EML6: variants seen among roughly 807,000 people sequenced by gnomAD.
EML6 encodes EMAP like 6, also known as echinoderm microtubule-associated protein-like 6.
In EML6, 154 loss-of-function variants were observed where a neutral mutation model predicts 240.1. The observed-to-expected ratio is 0.64, with a 90% CI of 0.56 to 0.73. EML6 has a LOEUF of 0.73. Among genes scored for constraint, EML6 ranks in the 30% least tolerant of loss-of-function variants. The pLI is 0.00. For synonymous variants in EML6, 1,148 were observed against 899.0 expected, an observed-to-expected ratio of 1.28 and a Z score of -4.95; for missense variants, 2,964 against 2,474.6, an observed-to-expected ratio of 1.20 and a Z score of -4.20.
At chr2:54,968,883 GC>G in intron 41 of EML6, 115 bp downstream of exon 41, 2 of 609,938 alleles carry the variant, frequency 3.3e-6, no homozygotes, top group East Asian at 2.8e-5. Context: ...CTGATGTGGG[GC>G]TAATAAACAG....
At chr2:54,969,893 T>G (rs1676915616) in intron 41 of EML6, among the ~76,000 whole-genome samples, 178 bp from the exon 42 acceptor site, 1 of 152,204 alleles carries the variant, frequency 6.6e-6, no homozygotes, top group South Asian at 2.1e-4. Context: ...AACAGACCTT[T>G]TAAGAAAAGC....
intron 2 of EML6, among the ~76,000 whole-genome samples, chr2:54,777,654 T>C (rs1668660895): frequency 6.6e-6 from 1 of 152,156 alleles, no homozygotes; most frequent in South Asian, 2.1e-4. Context: ...ATGAGTTCTG[T>C]TGGGCACTGG....
intron 2 of EML6, among the ~76,000 whole-genome samples, chr2:54,789,088 T>G (rs1669252202): frequency 6.6e-6 from 1 of 152,242 alleles, no homozygotes; most frequent in Non-Finnish European, 1.5e-5. Flanking sequence ...GTTCTGTCTC[T>G]GCTTAATTCC....
intron 2 of EML6, among the ~76,000 whole-genome samples, chr2:54,807,146 G>C (rs1352894907): frequency 6.6e-6 from 1 of 151,460 alleles, no homozygotes; most frequent in East Asian, 1.9e-4. Flanking sequence ...TATATCTGTG[G>C]TCAGTCTATG....
rs2104556337 is a variant in EML6, at chr2:54,967,085, C to T, written c.5579C>T (p.Thr1860Ile). 6.4e-7 allele frequency: 1 copy of T among 1,551,036 alleles called. No homozygotes were observed. The highest frequency in any genetic ancestry group is 1.2e-5 in the South Asian group (1 of 84,040). ...VTEAVVIEKI[T>I]WASWTSVLGD... ...GAAGCCGTGGTCATTGAGAAGATCA[C>T]CTGGGCCTCCTGGACAAGGTGACTG... is the stretch of plus-strand genomic sequence containing the variant. The change falls in exon 39 of 42, where the codon ACC becomes ATC. Residue 1860 changes from threonine to isoleucine, a missense_variant. Transcript: ENST00000356458.
chr2:54,827,987 T>C (rs1043034215), intron 6 of EML6, among the ~76,000 whole-genome samples: 2 of 152,220 alleles, frequency 1.3e-5, no homozygotes, highest in Non-Finnish European at 2.9e-5. Context: ...TCATCCACAG[T>C]AGTTTGACAG....
chr2:54,889,571 T>G (rs1672348851), intron 17 of EML6, among the ~76,000 whole-genome samples: 1 of 151,882 alleles, frequency 6.6e-6, no homozygotes, highest in Admixed American at 6.6e-5. Flanking sequence ...AGTCCTCTCC[T>G]CCATTATATT....
intron 21 of EML6, among the ~76,000 whole-genome samples, chr2:54,899,001 C>T (rs1467839467): frequency 1.3e-5 from 2 of 152,146 alleles, no homozygotes; most frequent in Admixed American, 1.3e-4. Flanking sequence ...TTATTAAGCA[C>T]CTTTCAGTTT....
intron 2 of EML6, among the ~76,000 whole-genome samples, chr2:54,810,692 A>G (rs893974752): frequency 2.0e-5 from 3 of 152,158 alleles, no homozygotes; most frequent in Non-Finnish European, 2.9e-5. Flanking sequence ...GGCAGCCAAG[A>G]TGGTTGGCAG....
At chr2:54,957,697 C>G (rs901861395) in intron 32 of EML6, 93 bp from the exon 33 acceptor site, 1 of 1,103,108 alleles carries the variant, frequency 9.1e-7, no homozygotes, top group African/African-American at 1.6e-5. Context: ...GCATGGCTTA[C>G]GCCTGCTGGG....
chr2:54,814,944 G>T (rs1668016052), intron 3 of EML6, among the ~76,000 whole-genome samples: 1 of 152,284 alleles, frequency 6.6e-6, no homozygotes, highest in East Asian at 1.9e-4. Flanking sequence ...TATTTGTTCA[G>T]GCTTGCAGTT....
rs938790426 is a variant in EML6, at chr2:54,960,162, G to T, written c.4854-58G>T. The T allele has an allele frequency of 9.9e-3, 12,277 of 1,237,772 alleles. 95 individuals are homozygous for T. Among genetic ancestry groups the T allele is most frequent in the Non-Finnish European group, 0.012 (10,489 of 864,512 alleles). The allele number at this position is 1,237,772 out of a possible 1,614,324, so 76.7% of individuals were successfully genotyped here. ...TGGGAAAGAGGGGAGAGGGCCGGAG[G>T]GGGTAGTGGGTCTTAGGATGAGGGT... On this transcript the variant is annotated intron_variant, in intron 34 of 41. Transcript: ENST00000356458.
chr2:54,856,950 C>G (rs1443009935), intron 11 of EML6, among the ~76,000 whole-genome samples: 1 of 151,994 alleles, frequency 6.6e-6, no homozygotes, highest in African/African-American at 2.4e-5. Flanking sequence ...AAAGGTTGGT[C>G]GGGCTTAGGA....
chr2:54,956,187 TAAAAC>T (rs1676224947), intron 32 of EML6, among the ~76,000 whole-genome samples: 1 of 152,166 alleles, frequency 6.6e-6, no homozygotes. Context: ...TCCATGAAAT[TAAAAC>T]AAGGAAAATA....
chr2:54,859,773 A>G, intron 12 of EML6, 72 bp downstream of exon 12: 2 of 1,291,192 alleles, frequency 1.5e-6, no homozygotes. Context: ...TCTAACATGT[A>G]TTCTATAGGT....
chr2:54,917,791 T>C (rs1032670588), intron 26 of EML6, among the ~76,000 whole-genome samples: 2 of 152,214 alleles, frequency 1.3e-5, no homozygotes, highest in African/African-American at 4.8e-5. Context: ...GCCTAACCTT[T>C]CTAGTTGCTT....
chr2:54,779,808 G>A (rs976514914), intron 2 of EML6, among the ~76,000 whole-genome samples: 2 of 146,536 alleles, frequency 1.4e-5, no homozygotes, highest in Non-Finnish European at 3.0e-5. Flanking sequence ...GTTGCAGTGA[G>A]CCAAGATCCT....
chr2:54,812,987 A>G lies in EML6; in HGVS notation c.198-245A>G, dbSNP rs200708657. ...TAAATTGAATAATTACAATCACAACAGCACCTAATTTTCAAGGTAACCAAT... is the reference window on the plus strand; with the variant it reads ...TAAATTGAATAATTACAATCACAACGGCACCTAATTTTCAAGGTAACCAAT... On this transcript the variant is annotated intron_variant, in intron 2 of 41. Coordinates refer to ENST00000356458, the MANE Select transcript of EML6 (RefSeq NM_001039753.4). Among the ~76,000 whole-genome samples the G allele has an allele frequency of 3.9e-4, 59 of 152,364 alleles. 2 individuals carry two copies. In the East Asian group the frequency reaches 0.01, roughly 26 times the overall value.
intron 26 of EML6, among the ~76,000 whole-genome samples, chr2:54,925,432 C>G (rs1674491124): frequency 6.6e-6 from 1 of 152,186 alleles, no homozygotes; most frequent in South Asian, 2.1e-4. Flanking sequence ...TGTCATCAGT[C>G]TTGGTGATAC....
Sources: allele counts gnomAD v4.1 joint callset (sites outside exome capture counted in the v4.1 genomes callset), GRCh38; gene constraint gnomAD v4.1.1; transcripts MANE v1.5; gene names NCBI Gene and HGNC (gene_info 2026-07-23, HGNC 2026-07-21).